The following ZFP62 variants were observed in gnomAD, a reference collection of about 807,000 sequenced individuals.
ZFP62 encodes zinc finger protein 62 homolog.
Under a neutral mutation model 56.4 loss-of-function variants are expected in ZFP62, and 44 were observed. That is an observed-to-expected ratio of 0.78 (90% confidence interval 0.61 to 1.00). The LOEUF is 1.00. Ranked by LOEUF, ZFP62 falls within the 50% of genes least tolerant of loss-of-function variation. ZFP62 has a pLI of 0.00. For missense variants in ZFP62, 1,030 were observed against 1,085.7 expected (o/e 0.95, Z 0.72); for synonymous variants, 421 against 388.9 (o/e 1.08, Z -0.97).
downstream of ZFP62, among the ~76,000 whole-genome samples, chr5:180,844,951 A>G (rs1371302396): frequency 6.6e-6 from 1 of 152,134 alleles, no homozygotes; most frequent in Non-Finnish European, 1.5e-5. Flanking sequence ...CATTCTAGGC[A>G]GCCTTCTAAG....
downstream of ZFP62, chr5:180,845,850 A>G: frequency 1.0e-6 from 1 of 985,458 alleles, no homozygotes; most frequent in Non-Finnish European, 1.2e-6. Context: ...GGTGTTCAGT[A>G]CCGTTTCACG....
chr5:180,833,577 A>T, the ZFP62 span, among the ~76,000 whole-genome samples: 1 of 151,770 alleles, frequency 6.6e-6, no homozygotes, highest in Non-Finnish European at 1.5e-5. Context: ...TTGTAAGATG[A>T]CCCTCACCAT....
Position 180,849,563 on chromosome 5 carries a change from G to A in ZFP62, c.1932C>T (p.Pro644=). 6.4e-7 allele frequency: 1 copy of A among 1,552,158 alleles called. No homozygotes were observed. Among genetic ancestry groups the A allele is most frequent in the Non-Finnish European group, 8.7e-7 (1 of 1,147,108 alleles). ...CCTTCTCACACCTGTCACATTCATA[G>A]GGTTTCTCTCTAGTGTGGACCCTTC... ...QHRRVHTREK[P]YECDRCEKVF... Residue 644 remains proline, a synonymous_variant, in exon 2 of 2, where the codon CCC becomes CCT. Coordinates refer to ENST00000502412, the MANE Select transcript of ZFP62 (RefSeq NM_001172638.2).
In ZFP62 at chr5:180,850,979, A is replaced by T. The variant is rs1350923430; in HGVS notation, c.516T>A (p.Asp172Glu). The T allele has an allele frequency of 8.4e-6, 13 of 1,552,672 alleles. No homozygotes were observed. The highest frequency in any genetic ancestry group is 1.0e-5 in the Non-Finnish European group (12 of 1,147,672). The change falls in exon 2 of 2, where the codon GAT becomes GAA. Residue 172 changes from aspartate (D) to glutamate (E), a missense_variant. Asp to Glu is a conservative substitution (Grantham distance 45). Transcript: ENST00000502412. ...TGCTCCGGAAAGTCCCTCCACAGTC[A>T]TCACATTCATAGCGCTTTTCCCCAG... ...MHTGEKRYEC[D>E]DCGGTFRSSS... is the part of the protein sequence containing the mutation.
the ZFP62 span, among the ~76,000 whole-genome samples, chr5:180,829,555 G>A: frequency 2.6e-5 from 4 of 152,132 alleles, no homozygotes; most frequent in African/African-American, 9.7e-5. Context: ...AAAATAGAAA[G>A]AACCTATGTT....
downstream of ZFP62, among the ~76,000 whole-genome samples, chr5:180,843,111 T>A (rs755728637): frequency 6.7e-6 from 1 of 148,910 alleles, no homozygotes; most frequent in Admixed American, 6.7e-5. Flanking sequence ...TAGAAAATAA[T>A]AACATATTTT....
chr5:180,850,404 G>A lies in ZFP62; in HGVS notation c.1091C>T (p.Pro364Leu). ...QHKVIHTGEK[P>L]YECDECGKAF... Reference sequence around the variant, plus strand: ...CTTCCCACATTCATCACATTCATAAGGTTTCTCTCCAGTGTGGATGACTTT... The same window carrying A: ...CTTCCCACATTCATCACATTCATAAAGTTTCTCTCCAGTGTGGATGACTTT... The change falls in exon 2 of 2, where the codon CCT becomes CTT. Residue 364 changes from proline (P) to leucine (L), a missense_variant. Physicochemically the swap from Pro to Leu is moderately conservative, Grantham distance 98. Transcript: ENST00000502412. 1 of 1,560,088 alleles carries A rather than the reference G, an allele frequency of 6.4e-7. No individual in the cohort carries two copies. Among genetic ancestry groups the A allele is most frequent in the Non-Finnish European group, 8.7e-7 (1 of 1,152,010 alleles).
At chr5:180,838,906 C>T in the ZFP62 span, among the ~76,000 whole-genome samples, 1 of 152,148 alleles carries the variant, frequency 6.6e-6, no homozygotes, top group African/African-American at 2.4e-5. Flanking sequence ...CTTAACTCAG[C>T]AATTCTGCCT....
chr5:180,846,460 A>G (rs249316), downstream of ZFP62, among the ~76,000 whole-genome samples: 104,721 of 152,134 alleles, frequency 0.69, 37,988 homozygotes, highest in East Asian at 0.96. Flanking sequence ...TTCAGCAAAA[A>G]GAAGCCCAAT....
intron 1 of ZFP62, chr5:180,852,030 C>T (rs1773738501): frequency 3.0e-6 from 3 of 986,244 alleles, no homozygotes; most frequent in Non-Finnish European, 3.6e-6. Context: ...ACCATGAAGA[C>T]AGTTACTGCA....
downstream of ZFP62, among the ~76,000 whole-genome samples, chr5:180,847,136 T>C (rs563830409): frequency 7.2e-5 from 11 of 152,196 alleles, no homozygotes; most frequent in African/African-American, 1.9e-4. Flanking sequence ...ATGGCTGAGA[T>C]TGTTCTCTTG....
intron 1 of ZFP62, among the ~76,000 whole-genome samples, chr5:180,859,265 A>G (rs1330221986): frequency 6.6e-6 from 1 of 152,208 alleles, no homozygotes; most frequent in Non-Finnish European, 1.5e-5. Flanking sequence ...AAATCCTTGG[A>G]TACTGTCTTT....
rs1223728583 is a variant in ZFP62 at position 180,847,996 on chromosome 5, C to A, written c.*796G>T. 1 of 985,424 alleles carries A rather than the reference C, an allele frequency of 1.0e-6. No individual in the cohort carries two copies. The highest frequency in any genetic ancestry group is 1.7e-5 in the African/African-American group (1 of 57,358). The allele number at this position is 985,424 out of a possible 1,614,324, so 61.0% of individuals were successfully genotyped here. ...TGTCAAAATCCTCTCCACGGTAGAA[C>A]CTTTTATTGTAGCATAATGTGTGAA... On this transcript the variant is annotated 3_prime_UTR_variant, in exon 2 of 2. Coordinates refer to ENST00000502412, the MANE Select transcript of ZFP62 (RefSeq NM_001172638.2).
At chr5:180,861,186 G>T (rs990561214) in intron 1 of ZFP62, 33 bp downstream of exon 1, 29 of 398,338 alleles carry the variant, frequency 7.3e-5, no homozygotes. Context: ...AAGGGCCGGG[G>T]GCGGGAGCGC....
chr5:180,857,701 T>C (rs1774063326), intron 1 of ZFP62, among the ~76,000 whole-genome samples: 1 of 152,140 alleles, frequency 6.6e-6, no homozygotes, highest in African/African-American at 2.4e-5. Context: ...TTTTGCCATG[T>C]TGGCAGGCCT....
At chr5:180,859,066 C>A (rs367911351) in intron 1 of ZFP62, among the ~76,000 whole-genome samples, 1 of 152,148 alleles carries the variant, frequency 6.6e-6, no homozygotes, top group African/African-American at 2.4e-5. Flanking sequence ...TCTCTGCCTC[C>A]GAGACTCAGG....
the ZFP62 span, among the ~76,000 whole-genome samples, chr5:180,838,936 A>G: frequency 4.6e-5 from 7 of 152,240 alleles, 1 homozygote; most frequent in Non-Finnish European, 7.3e-5. Flanking sequence ...TATTTGTAGG[A>G]TAACATACAG....
intron 1 of ZFP62, among the ~76,000 whole-genome samples, chr5:180,855,960 G>A (rs1194207690): frequency 2.0e-5 from 3 of 152,156 alleles, no homozygotes; most frequent in African/African-American, 4.8e-5. Context: ...TGCACCAGCC[G>A]CCTGTGCAAC....
the ZFP62 span, among the ~76,000 whole-genome samples, chr5:180,827,485 A>ATGCTTGAAGGCAGCATGC: frequency 6.6e-6 from 1 of 151,632 alleles, no homozygotes; most frequent in Non-Finnish European, 1.5e-5. Context: ...TGTTAAACAG[A>ATGCTTGAAGGCAGCATGC]TGCTTGAAGG....
Sources: allele counts gnomAD v4.1 joint callset (sites outside exome capture counted in the v4.1 genomes callset), GRCh38; gene constraint gnomAD v4.1.1; transcripts MANE v1.5; gene names NCBI Gene and HGNC (gene_info 2026-07-23, HGNC 2026-07-21).